The following CHST11 variants were observed in gnomAD, a reference collection of about 807,000 sequenced individuals.
CHST11 encodes C4S-1.
CHST11 carries 9 observed loss-of-function variants against 30.4 expected under a neutral mutation model. The observed-to-expected ratio is 0.30, with a 90% CI of 0.18 to 0.52. The LOEUF (loss-of-function observed/expected upper bound fraction) is 0.52, where lower values mean the gene tolerates loss of function less well. Ranked by LOEUF, CHST11 falls within the 20% of genes least tolerant of loss-of-function variation. CHST11 has a pLI of 0.97. For missense variants in CHST11, 348 were observed against 460.6 expected, an observed-to-expected ratio of 0.76 and a Z score of 2.24; for synonymous variants, 152 against 187.8, an observed-to-expected ratio of 0.81 and a Z score of 1.56.
At position 104,458,336 on chromosome 12, in the gene CHST11, C is replaced by T. The variant is rs1482156129; in HGVS notation, c.118+807C>T. On this transcript the variant is annotated intron_variant, in intron 1 of 2. Coordinates refer to ENST00000303694, the MANE Select transcript of CHST11 (RefSeq NM_018413.6). The surrounding 1 kb of genome is among the most constrained non-coding windows in gnomAD (Gnocchi z 5.7). ...CTGGGCTGACCGTCCGTTTGCATCCCCCACTTCTGGGATCCGAGCAACGGG... is the reference window on the plus strand; with the variant it reads ...CTGGGCTGACCGTCCGTTTGCATCCTCCACTTCTGGGATCCGAGCAACGGG... 6.6e-6 allele frequency among the ~76,000 whole-genome samples: 1 copy of T among 152,208 alleles called. No homozygotes were observed. The highest frequency in any genetic ancestry group is 1.5e-5 in the Non-Finnish European group (1 of 68,034).
intron 2 of CHST11, among the ~76,000 whole-genome samples, chr12:104,617,099 A>G (rs1343092631): frequency 6.6e-6 from 1 of 152,208 alleles, no homozygotes; most frequent in Non-Finnish European, 1.5e-5. Context: ...GTAAATACTC[A>G]TAATTTCATA....
At chr12:104,484,487 T>A (rs566044902) in intron 1 of CHST11, among the ~76,000 whole-genome samples, 2 of 152,294 alleles carry the variant, frequency 1.3e-5, no homozygotes, top group South Asian at 4.1e-4. Flanking sequence ...ACACCTGAGA[T>A]ATGGAGGTGA....
intron 1 of CHST11, among the ~76,000 whole-genome samples, chr12:104,499,344 A>T (rs1438367095): frequency 6.6e-6 from 1 of 152,100 alleles, no homozygotes; most frequent in East Asian, 1.9e-4. Flanking sequence ...GCTCAGTTAG[A>T]ACTGCTTGTA....
intron 1 of CHST11, among the ~76,000 whole-genome samples, chr12:104,592,927 T>C (rs1183145009): frequency 6.6e-6 from 1 of 152,216 alleles, no homozygotes; most frequent in Admixed American, 6.5e-5. Context: ...GGGGACTCCA[T>C]TTGGTGACCC....
intron 1 of CHST11, among the ~76,000 whole-genome samples, chr12:104,505,408 G>A (rs79213114): frequency 0.016 from 2,360 of 152,206 alleles, 31 homozygotes; most frequent in Middle Eastern, 0.048. Flanking sequence ...CTAGACGAAC[G>A]TTTCTCAGAC....
chr12:104,506,661 C>T (rs1297320028), intron 1 of CHST11, among the ~76,000 whole-genome samples: 3 of 152,152 alleles, frequency 2.0e-5, no homozygotes, highest in East Asian at 1.9e-4. Context: ...ACAGTGATCA[C>T]CTTGGGATTC....
intron 2 of CHST11, among the ~76,000 whole-genome samples, chr12:104,728,877 G>A (rs2040235395): frequency 6.6e-6 from 1 of 152,144 alleles, no homozygotes; most frequent in Non-Finnish European, 1.5e-5. Flanking sequence ...CAAGGTAGAT[G>A]GCCAGTATCT....
At chr12:104,650,258 A>C (rs1459127060) in intron 2 of CHST11, among the ~76,000 whole-genome samples, 1 of 152,190 alleles carries the variant, frequency 6.6e-6, no homozygotes. Context: ...GGGAGGTCAC[A>C]GGGTGGAGGA....
rs1184555653 is a variant in CHST11, at chr12:104,647,534, AT to A, written c.204+45550del. 2.6e-5 allele frequency among the ~76,000 whole-genome samples: 4 copies of A among 152,188 alleles called. No individual in the cohort carries two copies. The South Asian group carries it at 6.2e-4, about 24-fold the overall frequency. On this transcript the variant is annotated intron_variant, in intron 2 of 2. Coordinates refer to ENST00000303694, the MANE Select transcript of CHST11 (RefSeq NM_018413.6). ...TTTTGATGAATATATAAAAATATAC[AT>A]TTTTTTAAAAACAAGATCACATATT...
intron 2 of CHST11, among the ~76,000 whole-genome samples, chr12:104,706,255 A>T (rs1247253648): frequency 6.6e-6 from 1 of 151,192 alleles, no homozygotes; most frequent in African/African-American, 2.4e-5. Context: ...GTGGTAGCGC[A>T]TGCCTGTAAT....
chr12:104,504,868 G>C (rs1213129575), intron 1 of CHST11, among the ~76,000 whole-genome samples: 1 of 152,166 alleles, frequency 6.6e-6, no homozygotes, highest in Non-Finnish European at 1.5e-5. Context: ...GGTGGTTGGA[G>C]TGGGGGAGGG....
chr12:104,721,739 A>G (rs892566636), intron 2 of CHST11, among the ~76,000 whole-genome samples: 3 of 152,214 alleles, frequency 2.0e-5, no homozygotes, highest in African/African-American at 7.2e-5. Flanking sequence ...CGTTTCACTG[A>G]AAGAACCACT....
At chr12:104,730,045 G>T (rs2040244810) in intron 2 of CHST11, among the ~76,000 whole-genome samples, 1 of 152,212 alleles carries the variant, frequency 6.6e-6, no homozygotes, top group Admixed American at 6.5e-5. Flanking sequence ...CAGACTGGCT[G>T]GTGTCAGCTG....
chr12:104,718,214 G>A (rs1375902972), intron 2 of CHST11, among the ~76,000 whole-genome samples: 1 of 152,218 alleles, frequency 6.6e-6, no homozygotes, highest in Non-Finnish European at 1.5e-5. Flanking sequence ...TTTGACAGAT[G>A]AGACAGCTGT....
At chr12:104,556,660 T>C (rs1378021021) in intron 1 of CHST11, among the ~76,000 whole-genome samples, 1 of 152,194 alleles carries the variant, frequency 6.6e-6, no homozygotes, top group African/African-American at 2.4e-5. Context: ...ACTGTCTTCC[T>C]TCCATGTGTG....
chr12:104,642,581 G>T (rs910484564), intron 2 of CHST11, among the ~76,000 whole-genome samples: 1 of 151,846 alleles, frequency 6.6e-6, no homozygotes, highest in African/African-American at 2.4e-5. Flanking sequence ...TTGTATTTTT[G>T]TAGAGATGGG....
chr12:104,485,791 A>G (rs1342396656), intron 1 of CHST11, among the ~76,000 whole-genome samples: 2 of 152,208 alleles, frequency 1.3e-5, no homozygotes, highest in East Asian at 1.9e-4. Context: ...TTGAGCTGCA[A>G]ATGGAAACGG....
chr12:104,459,289 C>G (rs3751319), intron 1 of CHST11, among the ~76,000 whole-genome samples: 36,237 of 151,992 alleles, frequency 0.24, 6,026 homozygotes, highest in African/African-American at 0.48. Context: ...AGCTCCAGGG[C>G]CCACCGGAGA....
intron 1 of CHST11, among the ~76,000 whole-genome samples, chr12:104,576,169 T>C (rs2038681946): frequency 1.3e-5 from 2 of 152,128 alleles, no homozygotes; most frequent in African/African-American, 4.8e-5. Flanking sequence ...GGAGAGCTTT[T>C]CTTGCCTTAG....
Sources: allele counts gnomAD v4.1 joint callset (sites outside exome capture counted in the v4.1 genomes callset), GRCh38; gene constraint gnomAD v4.1.1; non-coding constraint Gnocchi (gnomAD v3.1); transcripts MANE v1.5; gene names NCBI Gene and HGNC (gene_info 2026-07-23, HGNC 2026-07-21).